Variants in MYOF observed in about 807,000 individuals in gnomAD.
The protein encoded by MYOF is fer-1-like 3, myoferlin.
In MYOF, 244 loss-of-function variants were observed where a neutral mutation model predicts 284.2. The observed-to-expected ratio is 0.86, with a 90% CI of 0.77 to 0.95. The LOEUF is 0.95. Ranked by LOEUF, MYOF falls within the 40% of genes least tolerant of loss-of-function variation. MYOF has a pLI of 0.00. For synonymous variants in MYOF, 904 were observed against 919.7 expected (o/e 0.98, Z 0.31); for missense variants, 2,496 against 2,560.6 (o/e 0.97, Z 0.54).
intron 1 of MYOF, among the ~76,000 whole-genome samples, chr10:93,458,956 C>T (rs1482333046): frequency 6.6e-6 from 1 of 152,232 alleles, no homozygotes; most frequent in Non-Finnish European, 1.5e-5. Flanking sequence ...CTTCCAAGAC[C>T]TCAGCATAGC....
chr10:93,389,985 C>A (rs1846597819), intron 17 of MYOF, among the ~76,000 whole-genome samples: 1 of 152,190 alleles, frequency 6.6e-6, no homozygotes, highest in Non-Finnish European at 1.5e-5. Context: ...TAAGGCAGAA[C>A]TTTCTGTGAA....
intron 19 of MYOF, among the ~76,000 whole-genome samples, chr10:93,387,036 C>G (rs367731014): frequency 6.6e-6 from 1 of 152,228 alleles, no homozygotes; most frequent in Admixed American, 6.5e-5. Flanking sequence ...ACCCCATGAG[C>G]TTTGAGAATA....
rs747877696 is a variant in MYOF at position 93,349,919 on chromosome 10, G to A, written c.3972C>T (p.Ile1324=). Residue 1324 remains isoleucine (I), a synonymous_variant, in exon 36 of 54, where the codon ATC becomes ATT. Transcript: ENST00000359263. ...ACTCCACAACAAGACTGGGGGATGT[G>A]ATAGAAGCCATCTGGAAGTTTTTCA... is the stretch of plus-strand genomic sequence containing the variant. ...RNMKNFQMAS[I]TSPSLVVECG... The A allele has an allele frequency of 1.2e-6, 2 of 1,614,120 alleles. No homozygotes were observed.
At chr10:93,334,464 T>C (rs574800194) in intron 41 of MYOF, among the ~76,000 whole-genome samples, 2 of 152,262 alleles carry the variant, frequency 1.3e-5, no homozygotes, top group African/African-American at 4.8e-5. Flanking sequence ...GGCCTCTGCA[T>C]TGAGATAATC....
intron 4 of MYOF, among the ~76,000 whole-genome samples, chr10:93,428,961 G>A (rs770508630): frequency 9.2e-5 from 14 of 152,184 alleles, no homozygotes; most frequent in Non-Finnish European, 1.9e-4. Flanking sequence ...AGGAATTACA[G>A]GGGGCAGGGC....
At position 93,441,340 on chromosome 10, in the gene MYOF, C is replaced by G. The variant is rs1276835361; in HGVS notation, c.237-9824G>C. Among the ~76,000 whole-genome samples, 4 of 152,052 alleles carry G rather than the reference C, an allele frequency of 2.6e-5. 1 individual carries two copies. Among genetic ancestry groups the G allele is most frequent in the South Asian group, 4.1e-4 (2 of 4,828 alleles). Reference sequence around the variant, plus strand: ...TACCAAATTAATTTTATTCCAAACGCAGTCTTTTGTTTTTTCTAATTTAAA... The same window carrying G: ...TACCAAATTAATTTTATTCCAAACGGAGTCTTTTGTTTTTTCTAATTTAAA... On this transcript the variant is annotated intron_variant, in intron 3 of 53. Transcript: ENST00000359263.
At chr10:93,434,910 T>TGAAA (rs942924131) in intron 3 of MYOF, among the ~76,000 whole-genome samples, 26 of 152,178 alleles carry the variant, frequency 1.7e-4, no homozygotes, top group African/African-American at 6.3e-4. Context: ...CCAAACAAGG[T>TGAAA]GAAAGCCCCG....
chr10:93,435,480 C>T (rs1849077302), intron 3 of MYOF, among the ~76,000 whole-genome samples: 1 of 152,200 alleles, frequency 6.6e-6, no homozygotes, highest in Non-Finnish European at 1.5e-5. Flanking sequence ...AACTCCTGTT[C>T]TATTCATAAC....
At chr10:93,428,080 C>T (rs1318120202) in intron 4 of MYOF, among the ~76,000 whole-genome samples, 5 of 151,908 alleles carry the variant, frequency 3.3e-5, no homozygotes, top group African/African-American at 9.7e-5. Flanking sequence ...ATGGCACACA[C>T]GTACACACAC....
At chr10:93,406,567 C>CT (rs1589519039) in intron 7 of MYOF, among the ~76,000 whole-genome samples, 3 of 93,250 alleles carry the variant, frequency 3.2e-5, no homozygotes, top group Non-Finnish European at 6.0e-5. Context: ...GCCTCCTCCC[C>CT]ACCCATCCAG....
In MYOF at chr10:93,431,501, C is replaced by T. The variant is rs375432077; in HGVS notation, c.252G>A (p.Ala84=). ...CAGTCAGGTCCTTCAGGGCTACAGT[C>T]GCCGTGCCAATTAATCTGCAGGGAA... The part of the protein sequence containing the change: ...TIGQNKLIGT[A]TVALKDLTGD... The change falls in exon 4 of 54, where the codon GCG becomes GCA. Residue 84 remains alanine, a synonymous_variant. Coordinates refer to ENST00000359263, the MANE Select transcript of MYOF (RefSeq NM_013451.4). 63 of 1,613,694 alleles carry T rather than the reference C, an allele frequency of 3.9e-5. No homozygotes were observed. In the South Asian group the frequency reaches 4.0e-4, roughly 10 times the overall value.
rs1554855589 is a variant in MYOF at position 93,406,288 on chromosome 10, T to TTATACATATATATATATATATA, written c.730-2070_730-2069insTATATATATATATATATGTATA. Among the ~76,000 whole-genome samples, 14 of 58,128 alleles carry TTATACATATATATATATATATA rather than the reference T, an allele frequency of 2.4e-4. 1 individual carries two copies. The highest frequency in any genetic ancestry group is 3.4e-4 in the Non-Finnish European group (8 of 23,432). 38.1% of individuals were successfully genotyped at this position (58,128 alleles called of 152,430 possible). A position where few individuals can be genotyped will look rare whatever the true frequency, so the allele number is the denominator to read the frequency against. Reference sequence around the variant, plus strand: ...TAGAAATTTTTTTAGTAAACCTCTTTTATATATATATATATATATATATAT... The same window carrying TTATACATATATATATATATATA: ...TAGAAATTTTTTTAGTAAACCTCTTTTATACATATATATATATATATATATATATATATATATATATATATAT... On this transcript the variant is annotated intron_variant, in intron 7 of 53. Coordinates refer to ENST00000359263, the MANE Select transcript of MYOF (RefSeq NM_013451.4).
intron 25 of MYOF, among the ~76,000 whole-genome samples, chr10:93,368,706 T>C (rs1845438290): frequency 6.6e-6 from 1 of 152,130 alleles, no homozygotes; most frequent in Admixed American, 6.5e-5. Flanking sequence ...AAAGTAAAAA[T>C]AAAAGAGGGT....
intron 39 of MYOF, 31 bp from the exon 40 acceptor site, chr10:93,337,944 A>G (rs1564629865): frequency 6.6e-7 from 1 of 1,512,912 alleles, no homozygotes; most frequent in South Asian, 1.1e-5. Context: ...AAAAATCTTT[A>G]GTGATGTCCT....
intron 5 of MYOF, among the ~76,000 whole-genome samples, chr10:93,425,361 C>A (rs1324695944): frequency 6.6e-6 from 1 of 152,056 alleles, no homozygotes; most frequent in Non-Finnish European, 1.5e-5. Flanking sequence ...GGGACAGAGA[C>A]TTTTAGCATC....
intron 36 of MYOF, among the ~76,000 whole-genome samples, chr10:93,348,100 CTG>C (rs964466050): frequency 5.9e-5 from 9 of 152,182 alleles, no homozygotes; most frequent in African/African-American, 2.2e-4. Context: ...CTGACCCATG[CTG>C]TGTCCTGTAA....
At chr10:93,373,195 C>A in intron 23 of MYOF, 110 bp from the exon 24 acceptor site, 8 of 1,294,608 alleles carry the variant, frequency 6.2e-6, no homozygotes, top group Non-Finnish European at 8.8e-6. Context: ...AGCAAAGAAA[C>A]GCTGTGGTTA....
intron 3 of MYOF, 28 bp downstream of exon 3, chr10:93,452,022 A>C (rs550559818): frequency 1.3e-6 from 2 of 1,499,600 alleles, no homozygotes; most frequent in Admixed American, 3.8e-5. Flanking sequence ...AATACCTAAA[A>C]TGAGAAAAAC....
At chr10:93,371,010 T>C (rs1845563599) in intron 24 of MYOF, among the ~76,000 whole-genome samples, 1 of 152,146 alleles carries the variant, frequency 6.6e-6, no homozygotes, top group Non-Finnish European at 1.5e-5. Flanking sequence ...TTTGATAGCT[T>C]CCCAACACAT....
Sources: allele counts gnomAD v4.1 joint callset (sites outside exome capture counted in the v4.1 genomes callset), GRCh38; gene constraint gnomAD v4.1.1; transcripts MANE v1.5; gene names NCBI Gene and HGNC (gene_info 2026-07-23, HGNC 2026-07-21).